The following PARVA variants were observed in gnomAD, a reference collection of about 807,000 sequenced individuals.
PARVA encodes parvin alpha.
PARVA carries 25 observed loss-of-function variants against 52.6 expected under a neutral mutation model. That is an observed-to-expected ratio of 0.48 (90% CI 0.35 to 0.66). The LOEUF is 0.66. Among genes scored for constraint, PARVA ranks in the 30% least tolerant of loss-of-function variants. PARVA has a pLI of 0.01. For synonymous variants in PARVA, 185 were observed against 179.1 expected, an observed-to-expected ratio of 1.03 and a Z score of -0.26; for missense variants, 373 against 450.9, an observed-to-expected ratio of 0.83 and a Z score of 1.56.
In PARVA at chr11:12,474,199, G is replaced by C. The variant is rs146940837; in HGVS notation, c.297+216G>C. On this transcript the variant is annotated intron_variant, in intron 3 of 12. Coordinates refer to ENST00000334956, the MANE Select transcript of PARVA (RefSeq NM_018222.5). ...GACAAATGCCCAGTGAGTGGTGCTGGTCACAGCACCAGACAGTTCAGTACA... is the reference window on the plus strand; with the variant it reads ...GACAAATGCCCAGTGAGTGGTGCTGCTCACAGCACCAGACAGTTCAGTACA... Among the ~76,000 whole-genome samples, 34 of 152,216 alleles carry C rather than the reference G, an allele frequency of 2.2e-4. No homozygotes were observed. In the East Asian group the frequency reaches 5.4e-3, roughly 24 times the overall value.
At position 12,522,421 on chromosome 11, in the gene PARVA, C is replaced by CT. The variant is rs66494894; in HGVS notation, c.1042+3921dup. Among the ~76,000 whole-genome samples, 594 of 134,596 alleles carry CT rather than the reference C, an allele frequency of 4.4e-3. 17 individuals are homozygous for CT. Among genetic ancestry groups the CT allele is most frequent in the African/African-American group, 0.015 (540 of 35,766 alleles). 88.3% of individuals were successfully genotyped at this position (134,596 alleles called of 152,430 possible). ...TAGACAACAAATCAAGAGCTTTATT[C>CT]TTTTTTTTTTTTTTTTTCTTGAGAC... On this transcript the variant is annotated intron_variant, in intron 12 of 12. Transcript: ENST00000334956.
chr11:12,383,640 C>G (rs965595265), intron 1 of PARVA, among the ~76,000 whole-genome samples: 2 of 152,098 alleles, frequency 1.3e-5, no homozygotes, highest in Admixed American at 1.3e-4. Context: ...TCTAATCAGC[C>G]GGTGCATTCT....
chr11:12,505,029 T>C (rs1271577306), intron 6 of PARVA, among the ~76,000 whole-genome samples: 1 of 152,140 alleles, frequency 6.6e-6, no homozygotes, highest in African/African-American at 2.4e-5. Context: ...CTTTTCCAGA[T>C]TGTTGGATGG....
intron 1 of PARVA, among the ~76,000 whole-genome samples, chr11:12,391,003 C>G (rs1014072171): frequency 1.3e-5 from 2 of 152,178 alleles, no homozygotes; most frequent in African/African-American, 4.8e-5. Context: ...GGCTCAGCAG[C>G]TCCTTCAGCA....
intron 1 of PARVA, among the ~76,000 whole-genome samples, chr11:12,425,936 CA>C (rs1170870174): frequency 6.6e-6 from 1 of 152,124 alleles, no homozygotes; most frequent in Non-Finnish European, 1.5e-5. Flanking sequence ...GAGATAAAGG[CA>C]AAAGTTTCTA....
chr11:12,496,643 G>GC, intron 5 of PARVA, 45 bp downstream of exon 5: 1 of 1,583,092 alleles, frequency 6.3e-7, no homozygotes, highest in Non-Finnish European at 8.6e-7. Context: ...AATGCCTGTG[G>GC]TCCCTGCCAT....
rs376299490 is a variant in PARVA at position 12,473,987 on chromosome 11, A to C, written c.297+4A>C. On this transcript the variant is annotated splice_donor_region_variant and intron_variant, in intron 3 of 12. Transcript: ENST00000334956. Reference sequence around the variant, plus strand: ...CAAGCTTCAAGAACTGATGAAGGTAAGAAGAAATCAGGAGCGGCTTCAGGT... The same window carrying C: ...CAAGCTTCAAGAACTGATGAAGGTACGAAGAAATCAGGAGCGGCTTCAGGT... The C allele has an allele frequency of 6.8e-5, 107 of 1,568,162 alleles. 1 individual carries two copies. In the South Asian group the frequency reaches 1.0e-3, roughly 15 times the overall value.
chr11:12,486,235 G>T (rs1191961553), intron 4 of PARVA, among the ~76,000 whole-genome samples: 1 of 152,158 alleles, frequency 6.6e-6, no homozygotes, highest in African/African-American at 2.4e-5. Context: ...AAAATGAAAA[G>T]TCTATTTAAA....
At chr11:12,404,806 G>A (rs146252348) in intron 1 of PARVA, among the ~76,000 whole-genome samples, 1 of 152,212 alleles carries the variant, frequency 6.6e-6, no homozygotes, top group Non-Finnish European at 1.5e-5. Context: ...CCTGGCCATC[G>A]TTACATCCTC....
At position 12,383,180 on chromosome 11, in the gene PARVA, TTTC is replaced by T. The variant is rs928231512; in HGVS notation, c.136+5406_136+5408del. Among the ~76,000 whole-genome samples the T allele has an allele frequency of 3.9e-5, 6 of 152,188 alleles. No homozygotes were observed. In the South Asian group the frequency reaches 6.2e-4, roughly 16 times the overall value. On this transcript the variant is annotated intron_variant, in intron 1 of 12. Coordinates refer to ENST00000334956, the MANE Select transcript of PARVA (RefSeq NM_018222.5). Reference sequence around the variant, plus strand: ...GCTTTTGTTTTTCTCTGTTGATCTTTTTCTTCTTCTTTTGGGTTTTCAATTCCA... The same window carrying T: ...GCTTTTGTTTTTCTCTGTTGATCTTTTTCTTCTTTTGGGTTTTCAATTCCA...
chr11:12,389,242 G>A (rs1423505302), intron 1 of PARVA, among the ~76,000 whole-genome samples: 1 of 152,056 alleles, frequency 6.6e-6, no homozygotes, highest in African/African-American at 2.4e-5. Flanking sequence ...GTTCTCTATG[G>A]CCATCTTTCC....
At chr11:12,518,987 A>T (rs150856312) in intron 12 of PARVA, among the ~76,000 whole-genome samples, 1 of 152,220 alleles carries the variant, frequency 6.6e-6, no homozygotes, top group Non-Finnish European at 1.5e-5. Flanking sequence ...GGTTGTAAAT[A>T]TAAGTCTGAG....
intron 3 of PARVA, among the ~76,000 whole-genome samples, chr11:12,475,284 T>C (rs1045921403): frequency 9.2e-5 from 14 of 152,226 alleles, no homozygotes; most frequent in Non-Finnish European, 1.5e-4. Flanking sequence ...CACGGCTGCT[T>C]GCTCCAGGAA....
intron 1 of PARVA, among the ~76,000 whole-genome samples, chr11:12,427,252 ATACT>A (rs1363741500): frequency 6.6e-6 from 1 of 152,238 alleles, no homozygotes; most frequent in Non-Finnish European, 1.5e-5. Flanking sequence ...GCTGAAACAG[ATACT>A]TAGATAGCAT....
At chr11:12,412,463 A>G (rs116687965) in intron 1 of PARVA, among the ~76,000 whole-genome samples, 6,911 of 152,198 alleles carry the variant, frequency 0.045, 539 homozygotes, top group African/African-American at 0.16. Flanking sequence ...TATGGAAAGG[A>G]CCACCAGGGG....
chr11:12,497,938 C>T (rs1032613231), intron 5 of PARVA, among the ~76,000 whole-genome samples: 1 of 152,166 alleles, frequency 6.6e-6, no homozygotes, highest in Non-Finnish European at 1.5e-5. Context: ...GGGACCACCT[C>T]CCTGTACCCC....
intron 1 of PARVA, among the ~76,000 whole-genome samples, chr11:12,471,280 A>G (rs186009251): frequency 2.6e-5 from 4 of 152,348 alleles, no homozygotes; most frequent in Admixed American, 1.3e-4. Flanking sequence ...GATTAGATTC[A>G]TAAGCTTGGA....
rs1564874291 is a variant in PARVA, at chr11:12,533,855, G to T, written c.*5930G>T. Among the ~76,000 whole-genome samples the T allele has an allele frequency of 6.6e-6, 1 of 151,276 alleles. No homozygotes were observed. On this transcript the variant is annotated 3_prime_UTR_variant, in exon 13 of 13. Coordinates refer to ENST00000334956, the MANE Select transcript of PARVA (RefSeq NM_018222.5). ...GGAGTAGGGGTTGGTCTTGCTGTCT[G>T]AGGGGTGGCAGAGGCAGAAAAAAAA... is the stretch of plus-strand genomic sequence containing the variant.
intron 10 of PARVA, among the ~76,000 whole-genome samples, chr11:12,515,479 AG>A (rs1941556696): frequency 2.0e-5 from 3 of 152,194 alleles, no homozygotes; most frequent in Non-Finnish European, 4.4e-5. Flanking sequence ...TTTCAAGGGC[AG>A]GGAGTGCTAT....
Sources: gnomAD v4.1 joint callset for allele counts (sites outside exome capture counted in the v4.1 genomes callset) on GRCh38, gnomAD v4.1.1 for gene constraint, MANE v1.5 for transcripts, NCBI Gene and HGNC (gene_info 2026-07-23, HGNC 2026-07-21) for gene names.